ANKRD30B: variants seen among roughly 807,000 people sequenced by gnomAD.
ANKRD30B encodes ankyrin repeat domain 30B.
In ANKRD30B, 144 loss-of-function variants were observed where a neutral mutation model predicts 202.2. The ratio of observed to expected loss-of-function variants is 0.71; its 90% CI spans 0.62 to 0.82. The LOEUF is 0.82. ANKRD30B is among the 40% of genes least tolerant of loss of function. ANKRD30B has a pLI of 0.00. For synonymous variants in ANKRD30B, 508 were observed against 561.3 expected, an observed-to-expected ratio of 0.91 and a Z score of 1.34; for missense variants, 1,487 against 1,669.1, an observed-to-expected ratio of 0.89 and a Z score of 1.90.
At chr18:14,918,320 T>C in the ANKRD30B span, among the ~76,000 whole-genome samples, 1 of 152,212 alleles carries the variant, frequency 6.6e-6, no homozygotes, top group Non-Finnish European at 1.5e-5. Context: ...GGAACTGGGA[T>C]GTCAGCAATA....
At chr18:14,808,280 T>A (rs1969656135) in intron 24 of ANKRD30B, 1 of 443,030 alleles carries the variant, frequency 2.3e-6, no homozygotes, top group African/African-American at 2.0e-5. Context: ...TATTAGGATT[T>A]TTCTACTTTA....
the ANKRD30B span, among the ~76,000 whole-genome samples, chr18:14,889,564 A>G: frequency 6.6e-6 from 1 of 151,928 alleles, no homozygotes; most frequent in Non-Finnish European, 1.5e-5. Flanking sequence ...TTCAAAGCCC[A>G]TGATTGTGAG....
intron 32 of ANKRD30B, among the ~76,000 whole-genome samples, chr18:14,826,693 T>TCACACACACACACACACACACACA (rs61497414): frequency 1.6e-5 from 2 of 124,968 alleles, no homozygotes; most frequent in African/African-American, 5.8e-5. Context: ...TCTCTCTCTC[T>TCACACACACACACACACACACACA]CACACACACA....
Position 14,803,828 on chromosome 18 carries a change from A to C in ANKRD30B, c.2284+4A>C. The C allele has an allele frequency of 6.3e-7, 1 of 1,578,652 alleles. No individual in the cohort carries two copies. The highest frequency in any genetic ancestry group is 8.6e-7 in the Non-Finnish European group (1 of 1,168,612). On this transcript the variant is annotated splice_donor_region_variant and intron_variant, in intron 24 of 43. Coordinates refer to ENST00000690538, the MANE Select transcript of ANKRD30B (RefSeq NM_001367607.2). The stretch of plus-strand genomic sequence containing the variant: ...ACCTTAAGTGGAAAATTAGAAGGTA[A>C]GAACCATATTTTATTTAAAAAGTCA...
the ANKRD30B span, among the ~76,000 whole-genome samples, chr18:14,860,682 T>C: frequency 6.6e-6 from 1 of 151,578 alleles, no homozygotes; most frequent in Non-Finnish European, 1.5e-5. Context: ...GTTAGTCTTC[T>C]TAAAGAAAAA....
intron 5 of ANKRD30B, chr18:14,759,307 A>G (rs1198564561): frequency 6.6e-6 from 1 of 152,200 alleles, no homozygotes; most frequent in African/African-American, 2.4e-5. Context: ...CAGTCCCCAA[A>G]AGGACATTTG....
At chr18:14,821,033 A>C (rs1355193662) in intron 30 of ANKRD30B, among the ~76,000 whole-genome samples, 2 of 152,170 alleles carry the variant, frequency 1.3e-5, no homozygotes, top group Non-Finnish European at 1.5e-5. Flanking sequence ...TATTGCCACA[A>C]TTTCAGATCC....
intron 33 of ANKRD30B, among the ~76,000 whole-genome samples, chr18:14,829,854 T>C (rs1382725573): frequency 1.3e-5 from 2 of 152,208 alleles, no homozygotes; most frequent in Non-Finnish European, 2.9e-5. Flanking sequence ...TTAGAGCCCC[T>C]TCAGTGCTAG....
At chr18:14,833,518 C>T (rs908371846) in intron 34 of ANKRD30B, among the ~76,000 whole-genome samples, 1 of 152,184 alleles carries the variant, frequency 6.6e-6, no homozygotes, top group Non-Finnish European at 1.5e-5. Flanking sequence ...CTCTAAAATT[C>T]TGATTACCAA....
At chr18:14,867,093 G>A in the ANKRD30B span, among the ~76,000 whole-genome samples, 4 of 142,896 alleles carry the variant, frequency 2.8e-5, no homozygotes, top group Non-Finnish European at 4.6e-5. Context: ...TGTGACAGGA[G>A]CAGATTGGGG....
chr18:14,831,503 C>A (rs763811933), intron 34 of ANKRD30B, 48 bp downstream of exon 34: 65 of 1,012,234 alleles, frequency 6.4e-5, no homozygotes, highest in Middle Eastern at 2.1e-4. Flanking sequence ...GAATCTAATT[C>A]TGTATAGTAT....
At chr18:14,806,785 T>C (rs970914228) in intron 24 of ANKRD30B, among the ~76,000 whole-genome samples, 4 of 149,688 alleles carry the variant, frequency 2.7e-5, no homozygotes, top group Non-Finnish European at 5.9e-5. Flanking sequence ...CATACTCATT[T>C]CCTATCTCAT....
In ANKRD30B at chr18:14,799,255, T is replaced by A; in HGVS notation, c.2091T>A (p.Asn697Lys). Reference sequence around the variant, plus strand: ...GTGGAAGGAAAGTTTCTCTTCCAAATAAAGCTTTAGAATTGAAGGACAGAG... The same window carrying A: ...GTGGAAGGAAAGTTTCTCTTCCAAAAAAAGCTTTAGAATTGAAGGACAGAG... Reference protein sequence around the residue: ...PTCGRKVSLPNKALELKDRET... With the variant: ...PTCGRKVSLPKKALELKDRET... Residue 697 changes from asparagine (N) to lysine (K), a missense_variant, in exon 22 of 44, where the codon AAT becomes AAA. Physicochemically the swap from Asn to Lys is moderately conservative, Grantham distance 94. Transcript: ENST00000690538. The A allele has an allele frequency of 6.4e-7, 1 of 1,555,090 alleles. No homozygotes were observed. Among genetic ancestry groups the A allele is most frequent in the Non-Finnish European group, 8.7e-7 (1 of 1,151,892 alleles).
chr18:14,808,210 T>C (rs1310423805), intron 24 of ANKRD30B, among the ~76,000 whole-genome samples: 1 of 150,746 alleles, frequency 6.6e-6, no homozygotes, highest in African/African-American at 2.5e-5. Flanking sequence ...CGGGGGGTCA[T>C]GACTTGGTCA....
At chr18:14,825,421 G>A (rs547638998) in intron 32 of ANKRD30B, among the ~76,000 whole-genome samples, 10 of 152,058 alleles carry the variant, frequency 6.6e-5, no homozygotes, top group Non-Finnish European at 1.5e-4. Context: ...CATCACTAGA[G>A]GGTAATTAAG....
At chr18:14,754,018 A>G (rs1347316455) in intron 3 of ANKRD30B, among the ~76,000 whole-genome samples, 2 of 152,170 alleles carry the variant, frequency 1.3e-5, no homozygotes, top group African/African-American at 4.8e-5. Context: ...TAGGATTATC[A>G]TTATAATTGA....
At chr18:14,849,311 A>T (rs2143254774) in intron 40 of ANKRD30B, among the ~76,000 whole-genome samples, 1 of 151,324 alleles carries the variant, frequency 6.6e-6, no homozygotes, top group Admixed American at 6.6e-5. Context: ...TATTTAGTTA[A>T]ATTATAGGAA....
At chr18:14,760,136 T>A (rs1356356903) in intron 5 of ANKRD30B, among the ~76,000 whole-genome samples, 1 of 152,226 alleles carries the variant, frequency 6.6e-6, no homozygotes, top group East Asian at 1.9e-4. Flanking sequence ...TTGAGCATTT[T>A]AAAAATGTTA....
chr18:14,886,213 G>A, the ANKRD30B span, among the ~76,000 whole-genome samples: 1 of 151,858 alleles, frequency 6.6e-6, no homozygotes, highest in East Asian at 1.9e-4. Flanking sequence ...ATCTAGTGTA[G>A]AAAGCATGTG....
Sources: allele counts gnomAD v4.1 joint callset (sites outside exome capture counted in the v4.1 genomes callset), GRCh38; gene constraint gnomAD v4.1.1; transcripts MANE v1.5; gene names NCBI Gene and HGNC (gene_info 2026-07-23, HGNC 2026-07-21).